Variants in FRMD3 observed in about 807,000 individuals in gnomAD.
FRMD3 encodes the protein FERM domain-containing protein 3.
FRMD3 carries 33 observed loss-of-function variants against 70.2 expected under a neutral mutation model. The ratio of observed to expected loss-of-function variants is 0.47; its 90% CI spans 0.36 to 0.63. FRMD3 has a LOEUF of 0.63. Among genes scored for constraint, FRMD3 ranks in the 20% least tolerant of loss-of-function variants. The pLI is 0.00. For synonymous variants in FRMD3, 279 were observed against 255.9 expected, an observed-to-expected ratio of 1.09 and a Z score of -0.86; for missense variants, 632 against 711.4, an observed-to-expected ratio of 0.89 and a Z score of 1.27.
chr9:83,349,803 A>G, intron 3 of FRMD3, 46 bp from the exon 4 acceptor site: 1 of 1,446,102 alleles, frequency 6.9e-7, no homozygotes. Context: ...GCAAAAGACC[A>G]TGGCCTCAAA....
chr9:83,563,226 G>A, the FRMD3 span, among the ~76,000 whole-genome samples: 2 of 152,206 alleles, frequency 1.3e-5, no homozygotes, highest in Admixed American at 1.3e-4. Flanking sequence ...CCCAGGATAT[G>A]TCTGGGGACT....
intron 13 of FRMD3, chr9:83,279,308 A>G (rs1332842380): frequency 1.3e-5 from 2 of 152,194 alleles, no homozygotes; most frequent in Admixed American, 6.5e-5. Flanking sequence ...TTAATTTTCA[A>G]TTTTATGCTA....
At chr9:83,454,515 C>T (rs911488810) in intron 1 of FRMD3, among the ~76,000 whole-genome samples, 2 of 152,194 alleles carry the variant, frequency 1.3e-5, no homozygotes, top group African/African-American at 4.8e-5. Context: ...TTACTGAGAG[C>T]CATGAAAAGG....
intron 1 of FRMD3, among the ~76,000 whole-genome samples, chr9:83,495,105 T>C (rs1201777019): frequency 1.3e-5 from 2 of 152,300 alleles, no homozygotes; most frequent in East Asian, 3.9e-4. Context: ...CAAAACTCCC[T>C]CTACATTTAT....
intron 6 of FRMD3, among the ~76,000 whole-genome samples, chr9:83,328,212 C>A (rs2131114430): frequency 6.6e-6 from 1 of 151,210 alleles, no homozygotes; most frequent in Non-Finnish European, 1.5e-5. Flanking sequence ...GCTGCAAACT[C>A]AATGGAAGGA....
At chr9:83,308,507 G>C (rs1428366221) in intron 10 of FRMD3, among the ~76,000 whole-genome samples, 1 of 152,100 alleles carries the variant, frequency 6.6e-6, no homozygotes, top group Non-Finnish European at 1.5e-5. Flanking sequence ...AAGGGGCAGG[G>C]GGACTGATCA....
At chr9:83,585,464 T>C in the FRMD3 span, among the ~76,000 whole-genome samples, 1 of 152,198 alleles carries the variant, frequency 6.6e-6, no homozygotes, top group South Asian at 2.1e-4. Context: ...CTATAAAGAG[T>C]GCATTTCCCA....
rs1825757956 is a variant in FRMD3 at position 83,394,464 on chromosome 9, C to T, written c.148-4756G>A. 2.6e-5 allele frequency among the ~76,000 whole-genome samples: 4 copies of T among 152,270 alleles called. No individual in the cohort carries two copies. The South Asian group carries it at 6.2e-4, about 24-fold the overall frequency. On this transcript the variant is annotated intron_variant, in intron 1 of 13. Transcript: ENST00000304195. ...GAATCTCTATCTCCTGGTCTGTAAA[C>T]TCTACATAATGCAGTCTTTAATGGG...
chr9:83,407,878 T>TTCTCTCTCTCTCTC (rs147066768), intron 1 of FRMD3, among the ~76,000 whole-genome samples: 1,050 of 88,914 alleles, frequency 0.012, 15 homozygotes, highest in Non-Finnish European at 0.017. Flanking sequence ...TCTCTCATCT[T>TTCTCTCTCTCTCTC]TCTCTCTCTC....
intron 1 of FRMD3, among the ~76,000 whole-genome samples, chr9:83,472,697 T>C (rs1319156401): frequency 1.3e-5 from 2 of 152,208 alleles, no homozygotes; most frequent in Admixed American, 1.3e-4. Context: ...ACTGAAAGAA[T>C]CACTTTTTGT....
chr9:83,512,897 G>A (rs912974016), intron 1 of FRMD3, among the ~76,000 whole-genome samples: 4 of 152,186 alleles, frequency 2.6e-5, no homozygotes, highest in African/African-American at 9.7e-5. Flanking sequence ...ACACGGAAGT[G>A]AGCAGAGAAA....
chr9:83,558,158 A>G, the FRMD3 span, among the ~76,000 whole-genome samples: 145 of 152,380 alleles, frequency 9.5e-4, 1 homozygote, highest in Middle Eastern at 3.4e-3. Context: ...GTTGAAGGAT[A>G]GTCTTAGCTT....
At chr9:83,360,920 G>C (rs964906789) in intron 3 of FRMD3, among the ~76,000 whole-genome samples, 1 of 152,168 alleles carries the variant, frequency 6.6e-6, no homozygotes, top group Non-Finnish European at 1.5e-5. Flanking sequence ...CCATTTATAG[G>C]CTCAAATTGC....
intron 4 of FRMD3, among the ~76,000 whole-genome samples, chr9:83,349,250 G>C (rs964649217): frequency 3.9e-5 from 6 of 152,058 alleles, no homozygotes; most frequent in Non-Finnish European, 7.4e-5. Flanking sequence ...CCTCCCAGTC[G>C]GTCATTCAGC....
At chr9:83,310,028 G>GT (rs1835291162) in intron 9 of FRMD3, among the ~76,000 whole-genome samples, 1 of 152,110 alleles carries the variant, frequency 6.6e-6, no homozygotes, top group South Asian at 2.1e-4. Context: ...TTTGTTAATG[G>GT]TCTCCGCACA....
intron 1 of FRMD3, among the ~76,000 whole-genome samples, chr9:83,501,143 A>G (rs1386499283): frequency 6.6e-6 from 1 of 152,086 alleles, no homozygotes; most frequent in Non-Finnish European, 1.5e-5. Context: ...TTCTTTGAAA[A>G]TCCTACTTAA....
chr9:83,387,587 T>C (rs564024288), intron 2 of FRMD3, among the ~76,000 whole-genome samples: 1 of 152,334 alleles, frequency 6.6e-6, no homozygotes, highest in South Asian at 2.1e-4. Context: ...TTTGCAGTGG[T>C]GACTAGAGGA....
At chr9:83,390,778 G>C (rs1308316962) in intron 1 of FRMD3, among the ~76,000 whole-genome samples, 1 of 152,198 alleles carries the variant, frequency 6.6e-6, no homozygotes, top group African/African-American at 2.4e-5. Context: ...ATGTTTTAGA[G>C]ATGTGACCTA....
intron 1 of FRMD3, among the ~76,000 whole-genome samples, chr9:83,488,859 G>A (rs1250499044): frequency 6.6e-6 from 1 of 152,120 alleles, no homozygotes; most frequent in Non-Finnish European, 1.5e-5. Flanking sequence ...AAGAAAACAC[G>A]ACAAGGAAAA....
Sources: gnomAD v4.1 joint callset for allele counts (sites outside exome capture counted in the v4.1 genomes callset) on GRCh38, gnomAD v4.1.1 for gene constraint, MANE v1.5 for transcripts, NCBI Gene and HGNC (gene_info 2026-07-23, HGNC 2026-07-21) for gene names.